The following VWA3B variants were observed in gnomAD, a reference collection of about 807,000 sequenced individuals.
VWA3B encodes the protein von Willebrand factor A domain-containing protein 3B.
In VWA3B, 138 loss-of-function variants were observed where a neutral mutation model predicts 158.3. That is an observed-to-expected ratio of 0.87 (90% CI 0.76 to 1.00). VWA3B has a LOEUF of 1.00. Ranked by LOEUF, VWA3B falls within the 50% of genes least tolerant of loss-of-function variation. The probability of loss-of-function intolerance (pLI) is 0.00; values close to 1 mark genes in which losing one functional copy is unlikely to be tolerated. For missense variants in VWA3B, 1,555 were observed against 1,565.1 expected (o/e 0.99, Z 0.11); for synonymous variants, 596 against 587.3 (o/e 1.01, Z -0.21).
chr2:98,092,886 C>G (rs1682446885), intron 1 of VWA3B, among the ~76,000 whole-genome samples, 175 bp from the exon 2 acceptor site: 1 of 130,050 alleles, frequency 7.7e-6, no homozygotes, highest in Admixed American at 8.5e-5. Flanking sequence ...TTATGGATAC[C>G]TCTTAGCAAT....
At chr2:98,265,630 C>T (rs1687766798) in intron 21 of VWA3B, among the ~76,000 whole-genome samples, 3 of 147,076 alleles carry the variant, frequency 2.0e-5, no homozygotes, top group Non-Finnish European at 3.0e-5. Context: ...CTGACTTCCA[C>T]AATGGTTGAA....
chr2:98,145,613 C>G (rs1002892953), intron 7 of VWA3B, among the ~76,000 whole-genome samples: 6 of 152,146 alleles, frequency 3.9e-5, no homozygotes, highest in Non-Finnish European at 5.9e-5. Context: ...CACTTTATTT[C>G]TGCCTGCGTT....
intron 26 of VWA3B, among the ~76,000 whole-genome samples, chr2:98,306,842 G>A (rs988194997): frequency 6.6e-6 from 1 of 152,148 alleles, no homozygotes; most frequent in Non-Finnish European, 1.5e-5. Flanking sequence ...TGACTCTCGA[G>A]TCCCCCATTG....
rs146446046 is a variant in VWA3B at position 98,225,856 on chromosome 2, A to G, written c.2020-2346A>G. Among the ~76,000 whole-genome samples, 65 of 152,370 alleles carry G rather than the reference A, an allele frequency of 4.3e-4. 2 individuals carry two copies. The East Asian group carries it at 6.4e-3, about 15-fold the overall frequency. On this transcript the variant is annotated intron_variant, in intron 14 of 27. Transcript: ENST00000477737. ...CACTTACAATTGAGTTTCAAATAAG[A>G]TGAAATATTTATGCACCTAAAAAAG...
At chr2:98,093,928 A>T (rs897417346) in intron 2 of VWA3B, among the ~76,000 whole-genome samples, 2 of 152,178 alleles carry the variant, frequency 1.3e-5, no homozygotes, top group Non-Finnish European at 2.9e-5. Context: ...TTTATTTAAC[A>T]TAATGCCCTT....
At chr2:98,227,771 T>C (rs1219762648) in intron 14 of VWA3B, among the ~76,000 whole-genome samples, 1 of 152,184 alleles carries the variant, frequency 6.6e-6, no homozygotes, top group Non-Finnish European at 1.5e-5. Context: ...TGTGCAGATT[T>C]ACAATGGGGC....
At chr2:98,098,478 CT>C (rs1159893950) in intron 2 of VWA3B, among the ~76,000 whole-genome samples, 1 of 152,010 alleles carries the variant, frequency 6.6e-6, no homozygotes, top group Admixed American at 6.6e-5. Flanking sequence ...TTCTTTGTCT[CT>C]TTTTACAGTG....
Position 98,311,883 on chromosome 2 carries a change from G to A in VWA3B, c.3586G>A (p.Asp1196Asn), listed in dbSNP as rs375490199. ...GCCACTGAAAGAAGCGGACACGCAGGATTCCAGAGAGCCAAGACGAGAGAA... is the reference window on the plus strand; with the variant it reads ...GCCACTGAAAGAAGCGGACACGCAGAATTCCAGAGAGCCAAGACGAGAGAA... ...FWPLKEADTQ[D>N]SREPRREKPR... The change falls in exon 27 of 28, where the codon GAT (aspartate) becomes AAT (asparagine). Residue 1196 changes from aspartate to asparagine, a missense_variant. Asp to Asn is a conservative substitution (Grantham distance 23, BLOSUM62 1). Coordinates refer to ENST00000477737, the MANE Select transcript of VWA3B (RefSeq NM_144992.5). The A allele has an allele frequency of 2.5e-6, 4 of 1,612,272 alleles. No individual in the cohort carries two copies. The highest frequency in any genetic ancestry group is 1.7e-5 in the Admixed American group (1 of 59,752).
chr2:98,169,909 A>C (rs755174779), intron 8 of VWA3B, among the ~76,000 whole-genome samples: 99 of 152,104 alleles, frequency 6.5e-4, no homozygotes, highest in Non-Finnish European at 1.3e-3. Context: ...ACTTCAGCCC[A>C]GGAGTTTGAG....
chr2:98,123,308 G>A (rs763091113), intron 5 of VWA3B, among the ~76,000 whole-genome samples: 1 of 152,246 alleles, frequency 6.6e-6, no homozygotes, highest in Non-Finnish European at 1.5e-5. Flanking sequence ...ATGAGCGGGT[G>A]CTGAGAGGAG....
chr2:98,158,355 C>T (rs1678273926), intron 7 of VWA3B, among the ~76,000 whole-genome samples: 3 of 152,174 alleles, frequency 2.0e-5, no homozygotes, highest in Admixed American at 2.0e-4. Flanking sequence ...GCAGGAGAGC[C>T]GCAGACCCCA....
At chr2:98,219,054 C>T (rs1684265321) in intron 14 of VWA3B, among the ~76,000 whole-genome samples, 1 of 152,102 alleles carries the variant, frequency 6.6e-6, no homozygotes, top group African/African-American at 2.4e-5. Flanking sequence ...CAGAACAAAC[C>T]CCAAGAATAA....
At chr2:98,230,008 C>A (rs191359519) in intron 15 of VWA3B, 42 bp from the exon 16 acceptor site, 17,905 of 1,527,120 alleles carry the variant, frequency 0.012, 167 homozygotes, top group South Asian at 0.037. Context: ...ATTTTCTTTT[C>A]TCTCTCTTTT....
intron 13 of VWA3B, chr2:98,217,121 G>A: frequency 2.0e-6 from 1 of 496,100 alleles, no homozygotes; most frequent in Admixed American, 3.4e-5. Flanking sequence ...CCTGCAATGG[G>A]AAACAGCCAC....
intron 12 of VWA3B, among the ~76,000 whole-genome samples, chr2:98,197,482 A>G (rs972473305): frequency 6.6e-6 from 1 of 152,152 alleles, no homozygotes; most frequent in Admixed American, 6.5e-5. Flanking sequence ...TTAGCCCTCA[A>G]TGTGGATCAT....
At chr2:98,256,460 A>G (rs866524616) in intron 21 of VWA3B, among the ~76,000 whole-genome samples, 7 of 152,252 alleles carry the variant, frequency 4.6e-5, no homozygotes, top group Middle Eastern at 3.4e-3. Flanking sequence ...GAAGGGAATC[A>G]TACAGCATGT....
intron 14 of VWA3B, among the ~76,000 whole-genome samples, chr2:98,219,608 C>A (rs1008358308): frequency 6.6e-6 from 1 of 152,138 alleles, no homozygotes; most frequent in Admixed American, 6.5e-5. Flanking sequence ...ATCCCAAGCA[C>A]GAGAAACATG....
At chr2:98,132,447 C>T (rs557055328) in intron 6 of VWA3B, among the ~76,000 whole-genome samples, 17 of 152,222 alleles carry the variant, frequency 1.1e-4, no homozygotes, top group African/African-American at 3.1e-4. Flanking sequence ...AACTGGACTC[C>T]GGCTTCCCCT....
At chr2:98,100,004 C>A (rs1682973431) in intron 2 of VWA3B, among the ~76,000 whole-genome samples, 1 of 152,136 alleles carries the variant, frequency 6.6e-6, no homozygotes. Context: ...TTGAAGTTCA[C>A]TGAGCTTCCT....
Sources: allele counts gnomAD v4.1 joint callset (sites outside exome capture counted in the v4.1 genomes callset), GRCh38; gene constraint gnomAD v4.1.1; transcripts MANE v1.5; gene names NCBI Gene and HGNC (gene_info 2026-07-23, HGNC 2026-07-21).